NUF2: variants seen among roughly 807,000 people sequenced by gnomAD.
NUF2 encodes NUF2 component of NDC80 kinetochore complex, also known as kinetochore protein Nuf2.
A neutral mutation model predicts 61.8 loss-of-function variants in NUF2; 34 were observed. The ratio of observed to expected loss-of-function variants is 0.55; its 90% CI spans 0.42 to 0.73. NUF2 has a LOEUF of 0.73. NUF2 is among the 30% of genes least tolerant of loss of function. The pLI is 0.00. For missense variants in NUF2, 445 were observed against 539.1 expected, an observed-to-expected ratio of 0.83 and a Z score of 1.73; for synonymous variants, 172 against 181.6, an observed-to-expected ratio of 0.95 and a Z score of 0.42.
Position 163,343,959 on chromosome 1 carries a change from T to C in NUF2, c.807+89T>C, listed in dbSNP as rs1168300195. 7 of 783,242 alleles carry C rather than the reference T, an allele frequency of 8.9e-6. No homozygotes were observed. In the East Asian group the frequency reaches 2.0e-4, roughly 22 times the overall value. 48.5% of individuals were successfully genotyped at this position (783,242 alleles called of 1,614,324 possible). ...AATTATGTGTTAATTTTTGGATTTC[T>C]GAATTATCTATACTTCTCTTCCTCT... On this transcript the variant is annotated intron_variant, in intron 10 of 13. Transcript: ENST00000271452.
At chr1:163,344,324 T>C (rs920842526) in intron 10 of NUF2, among the ~76,000 whole-genome samples, 3 of 151,932 alleles carry the variant, frequency 2.0e-5, no homozygotes, top group Non-Finnish European at 4.4e-5. Context: ...TTAAAATCTA[T>C]TAATGGTATC....
At chr1:163,352,537 C>G (rs187297025) in intron 13 of NUF2, among the ~76,000 whole-genome samples, 382 of 152,288 alleles carry the variant, frequency 2.5e-3, no homozygotes, top group Non-Finnish European at 4.3e-3. Flanking sequence ...AAGTTGTGAA[C>G]AAGGCAGGAA....
chr1:163,349,056 T>C lies in NUF2; in HGVS notation c.1236T>C (p.Ala412=). Residue 412 remains alanine, a synonymous_variant, in exon 13 of 14, where the codon GCT becomes GCC. Transcript: ENST00000271452. ...KLGIQQLKDA[A]EREKLKSQEI... ...GAATTCAACAACTAAAAGATGCTGCTGAAAGGGAGAAACTGAAGTCCCAGG... is the reference window on the plus strand; with the variant it reads ...GAATTCAACAACTAAAAGATGCTGCCGAAAGGGAGAAACTGAAGTCCCAGG... 6.2e-7 allele frequency: 1 copy of C among 1,608,280 alleles called. No homozygotes were observed. Among genetic ancestry groups the C allele is most frequent in the Non-Finnish European group, 8.5e-7 (1 of 1,178,670 alleles).
chr1:163,339,420 T>A lies in NUF2; in HGVS notation c.549T>A (p.Leu183=), dbSNP rs1295896294. 1 of 1,613,076 alleles carries A rather than the reference T, an allele frequency of 6.2e-7. No individual in the cohort carries two copies. Among genetic ancestry groups the A allele is most frequent in the East Asian group, 2.2e-5 (1 of 44,840 alleles). The part of the protein sequence containing the change: ...PVEEQEEFKQ[L]SDGIQELQQS... ...AAGAGCAAGAAGAGTTCAAGCAGCT[T>A]TCAGATGGAATTCAGGAGCTACAAC... Residue 183 remains leucine, a synonymous_variant, in exon 8 of 14, where the codon CTT becomes CTA. Transcript: ENST00000271452.
At chr1:163,323,876 A>T (rs563542010) in intron 1 of NUF2, among the ~76,000 whole-genome samples, 1 of 151,998 alleles carries the variant, frequency 6.6e-6, no homozygotes, top group South Asian at 2.1e-4. Flanking sequence ...CCAAAAAAAA[A>T]GAGAGGGAAA....
At chr1:163,343,109 A>G (rs12142484) in intron 9 of NUF2, among the ~76,000 whole-genome samples, 63,224 of 151,986 alleles carry the variant, frequency 0.42, 13,541 homozygotes, top group South Asian at 0.59. Flanking sequence ...AAATAGTTAC[A>G]TTCATTTTTG....
In NUF2 at chr1:163,340,375, A is replaced by G. The variant is rs1368082570; in HGVS notation, c.618A>G (p.Gln206=). 2 of 1,611,272 alleles carry G rather than the reference A, an allele frequency of 1.2e-6. No homozygotes were observed. Among genetic ancestry groups the G allele is most frequent in the African/African-American group, 2.7e-5 (2 of 74,962 alleles). Residue 206 remains glutamine, a synonymous_variant, in exon 9 of 14, where the codon CAA becomes CAG. Transcript: ENST00000271452. The part of the protein sequence containing the change: ...QDFHQKTIVL[Q]EGNSQKKSNI... ...GCTTTTTCCCTTAGATAGTGCTGCA[A>G]GAGGGAAATTCCCAAAAGAAGTCAA...
rs771996262 is a variant in NUF2, at chr1:163,348,947, A to G, written c.1127A>G (p.Asp376Gly). The G allele has an allele frequency of 6.2e-7, 1 of 1,601,098 alleles. No homozygotes were observed. Among genetic ancestry groups the G allele is most frequent in the Non-Finnish European group, 8.5e-7 (1 of 1,176,990 alleles). Reference protein sequence around the residue: ...VKQYKRTVIEDCNKVQEKRGA... With the variant: ...VKQYKRTVIEGCNKVQEKRGA... ...TAGCTGTCTCGATTTTCTTTCAGGG[A>G]TTGCAATAAAGTTCAAGAAAAAAGA... Residue 376 changes from aspartate (D) to glycine (G), a missense_variant and splice_region_variant, in exon 13 of 14, where the codon GAT becomes GGT. Transcript: ENST00000271452.
In NUF2 at chr1:163,348,973, G is replaced by C. The variant is rs1356911341; in HGVS notation, c.1153G>C (p.Gly385Arg). The C allele has an allele frequency of 1.2e-6, 2 of 1,605,960 alleles. No homozygotes were observed. Among genetic ancestry groups the C allele is most frequent in the Non-Finnish European group, 1.7e-6 (2 of 1,178,104 alleles). ...EDCNKVQEKR[G>R]AVYERVTTIN... ...TTGCAATAAAGTTCAAGAAAAAAGA[G>C]GTGCTGTCTATGAACGAGTAACCAC... The change falls in exon 13 of 14, where the codon GGT (glycine) becomes CGT (arginine). Residue 385 changes from glycine to arginine, a missense_variant. Transcript: ENST00000271452.
At chr1:163,345,988 T>G in intron 11 of NUF2, 170 bp downstream of exon 11, 1 of 458,998 alleles carries the variant, frequency 2.2e-6, no homozygotes, top group Non-Finnish European at 3.8e-6. Flanking sequence ...TTTTTAAACA[T>G]AGCAGTAGCA....
Position 163,340,378 on chromosome 1 carries a change from G to C in NUF2, c.621G>C (p.Glu207Asp), listed in dbSNP as rs1287294693. 1 of 1,611,000 alleles carries C rather than the reference G, an allele frequency of 6.2e-7. No homozygotes were observed. Among genetic ancestry groups the C allele is most frequent in the Non-Finnish European group, 8.5e-7 (1 of 1,178,534 alleles). ...TTTTCCCTTAGATAGTGCTGCAAGA[G>C]GGAAATTCCCAAAAGAAGTCAAATA... ...DFHQKTIVLQ[E>D]GNSQKKSNIS... Residue 207 changes from glutamate (E) to aspartate (D), a missense_variant, in exon 9 of 14, where the codon GAG becomes GAC. Coordinates refer to ENST00000271452, the MANE Select transcript of NUF2 (RefSeq NM_145697.3).
intron 9 of NUF2, among the ~76,000 whole-genome samples, chr1:163,340,876 T>C (rs1650920703): frequency 6.6e-6 from 1 of 152,188 alleles, no homozygotes; most frequent in Non-Finnish European, 1.5e-5. Flanking sequence ...TCTGATAGAC[T>C]TTTACATAGA....
chr1:163,343,053 A>G (rs1484725224), intron 9 of NUF2, among the ~76,000 whole-genome samples: 2 of 152,176 alleles, frequency 1.3e-5, no homozygotes, highest in Non-Finnish European at 2.9e-5. Flanking sequence ...CAGACTTACA[A>G]CAAACTTTCA....
chr1:163,331,025 C>CTT (rs35181525), intron 5 of NUF2, among the ~76,000 whole-genome samples: 35 of 134,960 alleles, frequency 2.6e-4, no homozygotes, highest in African/African-American at 7.5e-4. Context: ...GCCTTTTATT[C>CTT]TTTTTTTTTT....
intron 13 of NUF2, among the ~76,000 whole-genome samples, chr1:163,351,067 A>C (rs74120434): frequency 0.25 from 38,748 of 152,058 alleles, 5,086 homozygotes; most frequent in Middle Eastern, 0.39. Context: ...CAGGATAATT[A>C]GTCCTAGTTT....
chr1:163,345,202 A>C (rs1651082667), intron 10 of NUF2, among the ~76,000 whole-genome samples: 1 of 152,122 alleles, frequency 6.6e-6, no homozygotes, highest in Non-Finnish European at 1.5e-5. Context: ...CAAGGGAAGG[A>C]ATCTTTGTAT....
At chr1:163,352,486 G>A (rs1651354216) in intron 13 of NUF2, among the ~76,000 whole-genome samples, 1 of 152,232 alleles carries the variant, frequency 6.6e-6, no homozygotes, top group Admixed American at 6.5e-5. Flanking sequence ...AATGGCCAAT[G>A]TATCTGCTAG....
At position 163,347,764 on chromosome 1, in the gene NUF2, G is replaced by T; in HGVS notation, c.950G>T (p.Ser317Ile). ...REKLASILKE[S>I]LNLEDQIESD... ...TTAAATACTTCTTATAAAATACAGA[G>T]CCTGAACTTGGAGGACCAAATTGAG... Residue 317 changes from serine (S) to isoleucine (I), a missense_variant and splice_region_variant, in exon 12 of 14, where the codon AGC (serine) becomes ATC (isoleucine). Transcript: ENST00000271452. The T allele has an allele frequency of 1.3e-6, 2 of 1,542,144 alleles. No individual in the cohort carries two copies. Among genetic ancestry groups the T allele is most frequent in the Non-Finnish European group, 1.7e-6 (2 of 1,146,928 alleles).
intron 12 of NUF2, among the ~76,000 whole-genome samples, chr1:163,348,407 C>T (rs983309806): frequency 2.6e-5 from 4 of 152,068 alleles, no homozygotes; most frequent in African/African-American, 9.7e-5. Flanking sequence ...TGGTAAAATA[C>T]CCATCAGTTC....
Sources: gnomAD v4.1 joint callset for allele counts (sites outside exome capture counted in the v4.1 genomes callset) on GRCh38, gnomAD v4.1.1 for gene constraint, MANE v1.5 for transcripts, NCBI Gene and HGNC (gene_info 2026-07-23, HGNC 2026-07-21) for gene names.